MAP2K5: variants seen among roughly 807,000 people sequenced by gnomAD.
MAP2K5 encodes dual specificity mitogen-activated protein kinase kinase 5.
Under a neutral mutation model 83.1 loss-of-function variants are expected in MAP2K5, and 49 were observed. The ratio of observed to expected loss-of-function variants is 0.59; its 90% confidence interval spans 0.47 to 0.75. The LOEUF (loss-of-function observed/expected upper bound fraction) is 0.75. Among genes scored for constraint, MAP2K5 ranks in the 30% least tolerant of loss-of-function variants. MAP2K5 has a pLI of 0.00. For missense variants in MAP2K5, 457 were observed against 557.5 expected, an observed-to-expected ratio of 0.82 and a Z score of 1.82; for synonymous variants, 202 against 191.8, an observed-to-expected ratio of 1.05 and a Z score of -0.44.
At position 67,638,669 on chromosome 15, in the gene MAP2K5, A is replaced by T. The variant is rs1448162119; in HGVS notation, c.586-7562A>T. On this transcript the variant is annotated intron_variant, in intron 9 of 21. Coordinates refer to ENST00000178640, the MANE Select transcript of MAP2K5 (RefSeq NM_145160.3). The surrounding 1 kb of genome is among the most constrained non-coding windows in gnomAD (Gnocchi z 4.5). ...CTGCACTGTCTTCCACAATGGTTGA[A>T]CTAATTTACACTCCTTCCAACAGTA... is the stretch of plus-strand genomic sequence containing the variant. 1.3e-5 allele frequency among the ~76,000 whole-genome samples: 2 copies of T among 152,184 alleles called. No individual in the cohort carries two copies. Among genetic ancestry groups the T allele is most frequent in the African/African-American group, 4.8e-5 (2 of 41,444 alleles).
intron 21 of MAP2K5, among the ~76,000 whole-genome samples, chr15:67,791,330 C>T (rs2090514297): frequency 6.6e-6 from 1 of 152,198 alleles, no homozygotes; most frequent in Admixed American, 6.5e-5. Flanking sequence ...CTAAGGCAGA[C>T]TCTGACTTTG....
chr15:67,576,967 C>T (rs1334268055), intron 3 of MAP2K5, among the ~76,000 whole-genome samples: 2 of 138,682 alleles, frequency 1.4e-5, no homozygotes, highest in African/African-American at 5.2e-5. Flanking sequence ...CTCGCTCTGT[C>T]GCCCAGGCCG....
intron 11 of MAP2K5, among the ~76,000 whole-genome samples, chr15:67,648,100 C>CT (rs1386006804): frequency 1.5e-4 from 23 of 152,100 alleles, no homozygotes; most frequent in Non-Finnish European, 1.5e-4. Context: ...AAAATTCACC[C>CT]TTTAAAAGTG....
chr15:67,744,246 G>T (rs1307710364), intron 17 of MAP2K5, among the ~76,000 whole-genome samples: 1 of 152,050 alleles, frequency 6.6e-6, no homozygotes, highest in Non-Finnish European at 1.5e-5. Context: ...AATAGCCACA[G>T]CTCCTAAAAT....
intron 14 of MAP2K5, among the ~76,000 whole-genome samples, 158 bp downstream of exon 14, chr15:67,692,710 A>T (rs1411518164): frequency 6.6e-6 from 1 of 152,192 alleles, no homozygotes; most frequent in East Asian, 1.9e-4. Flanking sequence ...TTAATCTCTG[A>T]GCGAGTTTCC....
intron 17 of MAP2K5, among the ~76,000 whole-genome samples, chr15:67,732,579 A>G (rs1473925515): frequency 6.6e-6 from 1 of 152,228 alleles, no homozygotes; most frequent in East Asian, 1.9e-4. Context: ...AATCTGAGCA[A>G]ATAGTGCCCC....
At chr15:67,653,842 T>G (rs1005051006) in intron 11 of MAP2K5, among the ~76,000 whole-genome samples, 1 of 152,192 alleles carries the variant, frequency 6.6e-6, no homozygotes, top group African/African-American at 2.4e-5. Flanking sequence ...ACGGCTTTAG[T>G]TGCATCCTAG....
In MAP2K5 at chr15:67,563,478, G is replaced by C; in HGVS notation, c.252+128G>C. 8.4e-7 allele frequency: 1 copy of C among 1,189,294 alleles called. No individual in the cohort carries two copies. Among genetic ancestry groups the C allele is most frequent in the Non-Finnish European group, 1.1e-6 (1 of 874,320 alleles). 73.7% of individuals were successfully genotyped at this position (1,189,294 alleles called of 1,614,324 possible). On this transcript the variant is annotated intron_variant, in intron 3 of 21. Transcript: ENST00000178640. This position sits in a 1 kb window ranked among gnomAD's most constrained non-coding sequence, Gnocchi z 4.5. ...TACATTTTTCTATATAATAGGTAAA[G>C]GTTTCAAGGATTTCCGTATGTGAAA...
In MAP2K5 at chr15:67,600,690, T is replaced by C; in HGVS notation, c.486T>C (p.Asn162=). The C allele has an allele frequency of 6.2e-7, 1 of 1,609,250 alleles. No individual in the cohort carries two copies. ...LKKILANGQM[N]EQDIRYRDTL... ...TTTCTTTCTTTCTTGTGGAGATGAA[T>C]GAACAAGACATACGATATCGGGACA... is the stretch of plus-strand genomic sequence containing the variant. Residue 162 remains asparagine (N), a synonymous_variant, in exon 8 of 22, where the codon AAT becomes AAC. Coordinates refer to ENST00000178640, the MANE Select transcript of MAP2K5 (RefSeq NM_145160.3).
Position 67,748,979 on chromosome 15 carries a change from A to G in MAP2K5, c.1134+378A>G, listed in dbSNP as rs2141274545. Among the ~76,000 whole-genome samples, 1 of 152,358 alleles carries G rather than the reference A, an allele frequency of 6.6e-6. No individual in the cohort carries two copies. The highest frequency in any genetic ancestry group is 1.9e-4 in the East Asian group (1 of 5,188). On this transcript the variant is annotated intron_variant, in intron 19 of 21. Coordinates refer to ENST00000178640, the MANE Select transcript of MAP2K5 (RefSeq NM_145160.3). This position sits in a 1 kb window ranked among gnomAD's most constrained non-coding sequence, Gnocchi z 4.0. ...AGGCAAGGGTCAGAGTTGAAGAGCAAGCATAAGCTGGATGAAATTTGCCTG... is the reference window on the plus strand; with the variant it reads ...AGGCAAGGGTCAGAGTTGAAGAGCAGGCATAAGCTGGATGAAATTTGCCTG...
In MAP2K5 at chr15:67,782,229, C is replaced by T. The variant is rs1451202119; in HGVS notation, c.1242+9477C>T. ...TCAATAATTTTAAGAGCCCCCAAAA[C>T]CTGTTGAGGATTAGAAGTAGCTTTA... On this transcript the variant is annotated intron_variant, in intron 21 of 21. Transcript: ENST00000178640. The surrounding 1 kb of genome is among the most constrained non-coding windows in gnomAD (Gnocchi z 4.9). Among the ~76,000 whole-genome samples, 2 of 152,162 alleles carry T rather than the reference C, an allele frequency of 1.3e-5. No homozygotes were observed. Among genetic ancestry groups the T allele is most frequent in the African/African-American group, 4.8e-5 (2 of 41,430 alleles).
At chr15:67,581,709 G>C (rs1232749679) in intron 4 of MAP2K5, among the ~76,000 whole-genome samples, 1 of 152,164 alleles carries the variant, frequency 6.6e-6, no homozygotes, top group Non-Finnish European at 1.5e-5. Context: ...TTCATTACCT[G>C]TAACTCTCTG....
intron 15 of MAP2K5, among the ~76,000 whole-genome samples, chr15:67,699,385 C>G (rs538665879): frequency 1.3e-5 from 2 of 152,148 alleles, no homozygotes; most frequent in Non-Finnish European, 2.9e-5. Context: ...AATGGCTAAC[C>G]TCAGTGTAAG....
chr15:67,618,624 C>T (rs2086108804), intron 8 of MAP2K5, among the ~76,000 whole-genome samples: 1 of 152,186 alleles, frequency 6.6e-6, no homozygotes, highest in South Asian at 2.1e-4. Flanking sequence ...CAGCTTCTCC[C>T]ATCTCCGTAA....
chr15:67,716,756 A>G (rs548514525), intron 16 of MAP2K5, among the ~76,000 whole-genome samples: 1 of 152,234 alleles, frequency 6.6e-6, no homozygotes, highest in South Asian at 2.1e-4. Context: ...CTCTCTTCCA[A>G]GCTCTTGACA....
chr15:67,554,539 T>C (rs2084585718), intron 2 of MAP2K5, among the ~76,000 whole-genome samples: 1 of 152,166 alleles, frequency 6.6e-6, no homozygotes, highest in Non-Finnish European at 1.5e-5. Flanking sequence ...AGGGGAAAGG[T>C]CAGGTAATGT....
At chr15:67,622,225 A>C (rs72749372) in intron 8 of MAP2K5, among the ~76,000 whole-genome samples, 1 of 152,218 alleles carries the variant, frequency 6.6e-6, no homozygotes, top group Non-Finnish European at 1.5e-5. Context: ...AAAGTCAAAG[A>C]AACAATATAG....
intron 13 of MAP2K5, among the ~76,000 whole-genome samples, chr15:67,671,823 C>A (rs867559267): frequency 1.6e-4 from 19 of 120,426 alleles, no homozygotes; most frequent in African/African-American, 6.0e-4. Context: ...TCCCCCCACC[C>A]CACAACAGTC....
Position 67,646,406 on chromosome 15 carries a change from A to G in MAP2K5, c.673A>G (p.Ile225Val), listed in dbSNP as rs375915169. ...ILYKCDSSYI[I>V]GFYGAFFVEN... ...GTTACAGTGCGATTCATCATATATC[A>G]TTGGATTTTATGGAGCATTTTTTGT... Residue 225 changes from isoleucine (I) to valine (V), a missense_variant, in exon 11 of 22, where the codon ATT becomes GTT. Coordinates refer to ENST00000178640, the MANE Select transcript of MAP2K5 (RefSeq NM_145160.3). The G allele has an allele frequency of 1.3e-6, 2 of 1,598,990 alleles. No homozygotes were observed. The highest frequency in any genetic ancestry group is 2.2e-5 in the South Asian group (2 of 89,838).
Sources: allele counts gnomAD v4.1 joint callset (sites outside exome capture counted in the v4.1 genomes callset), GRCh38; gene constraint gnomAD v4.1.1; non-coding constraint Gnocchi (gnomAD v3.1); transcripts MANE v1.5; gene names NCBI Gene and HGNC (gene_info 2026-07-23, HGNC 2026-07-21).